The following LRMDA variants were observed in gnomAD, a reference collection of about 807,000 sequenced individuals.
LRMDA encodes leucine rich melanocyte differentiation associated.
In LRMDA, 18 loss-of-function variants were observed where a neutral mutation model predicts 29.8. The observed-to-expected ratio is 0.60, with a 90% CI of 0.42 to 0.90. The LOEUF is 0.90. Among genes scored for constraint, LRMDA ranks in the 40% least tolerant of loss-of-function variants. The pLI is 0.00. For synonymous variants in LRMDA, 125 were observed against 109.4 expected (o/e 1.14, Z -0.89); for missense variants, 273 against 273.9 (o/e 1.00, Z 0.02).
At chr10:75,587,932 C>T (rs1306021883) in intron 2 of LRMDA, among the ~76,000 whole-genome samples, 4 of 152,194 alleles carry the variant, frequency 2.6e-5, no homozygotes, top group South Asian at 2.1e-4. Flanking sequence ...AGAGGCAGTG[C>T]GTGATGGTTG....
At chr10:76,333,887 A>G (rs1239898314) in intron 6 of LRMDA, among the ~76,000 whole-genome samples, 1 of 152,326 alleles carries the variant, frequency 6.6e-6, no homozygotes, top group South Asian at 2.1e-4. Flanking sequence ...AGGACCAGAA[A>G]GCTATAAGGA....
intron 6 of LRMDA, among the ~76,000 whole-genome samples, chr10:76,531,805 C>G (rs192388516): frequency 6.6e-6 from 1 of 152,032 alleles, no homozygotes; most frequent in South Asian, 2.1e-4. Context: ...GGTTTCATGG[C>G]AAGTATTCCT....
At chr10:76,236,505 A>T (rs1852154299) in intron 5 of LRMDA, among the ~76,000 whole-genome samples, 1 of 152,206 alleles carries the variant, frequency 6.6e-6, no homozygotes, top group Non-Finnish European at 1.5e-5. Context: ...TGGTTTCTTC[A>T]TCTCCCTGTC....
intron 2 of LRMDA, among the ~76,000 whole-genome samples, chr10:75,565,076 A>G (rs1477224488): frequency 6.6e-6 from 1 of 152,192 alleles, no homozygotes; most frequent in Non-Finnish European, 1.5e-5. Flanking sequence ...TGATCCAAGG[A>G]ATGGAAATAG....
intron 5 of LRMDA, among the ~76,000 whole-genome samples, chr10:76,084,137 T>A (rs1317032653): frequency 3.9e-5 from 6 of 152,302 alleles, no homozygotes; most frequent in Middle Eastern, 3.4e-3. Flanking sequence ...TCTTCCTTAG[T>A]ATCCAAGGGA....
At chr10:75,517,873 C>A (rs552663487) in intron 2 of LRMDA, among the ~76,000 whole-genome samples, 5 of 152,262 alleles carry the variant, frequency 3.3e-5, no homozygotes, top group African/African-American at 1.2e-4. Flanking sequence ...GAGATACCTT[C>A]CATCAATACC....
intron 6 of LRMDA, among the ~76,000 whole-genome samples, chr10:76,378,322 A>C (rs1841546096): frequency 6.6e-6 from 1 of 152,204 alleles, no homozygotes; most frequent in South Asian, 2.1e-4. Context: ...AGATCATATC[A>C]TCAGAAAACA....
chr10:76,032,509 A>G (rs538779485), intron 2 of LRMDA, among the ~76,000 whole-genome samples: 5 of 152,328 alleles, frequency 3.3e-5, no homozygotes, highest in South Asian at 4.1e-4. Flanking sequence ...CTGGAGCCCA[A>G]TGCGTTGTGA....
intron 2 of LRMDA, among the ~76,000 whole-genome samples, chr10:75,482,479 A>G (rs1480256935): frequency 1.3e-5 from 2 of 152,232 alleles, no homozygotes; most frequent in Non-Finnish European, 2.9e-5. Context: ...AATAGCCACT[A>G]TAGTTGCAGT....
chr10:75,991,846 G>T (rs546774864), intron 2 of LRMDA, among the ~76,000 whole-genome samples: 2 of 152,246 alleles, frequency 1.3e-5, no homozygotes, highest in South Asian at 4.2e-4. Context: ...CACTGGTGTG[G>T]TTACTACAGA....
intron 6 of LRMDA, among the ~76,000 whole-genome samples, chr10:76,409,779 G>A (rs1447722470): frequency 6.6e-6 from 1 of 152,154 alleles, no homozygotes; most frequent in Admixed American, 6.5e-5. Context: ...ACTAAAGTGA[G>A]CATTTATTAA....
chr10:76,374,367 G>GA (rs1244084587), intron 6 of LRMDA, among the ~76,000 whole-genome samples: 8 of 152,186 alleles, frequency 5.3e-5, no homozygotes. Context: ...CCTAGAAAAA[G>GA]AAGGTTAGAT....
At chr10:75,607,031 T>C (rs1840964741) in intron 2 of LRMDA, among the ~76,000 whole-genome samples, 2 of 152,272 alleles carry the variant, frequency 1.3e-5, no homozygotes, top group Admixed American at 1.3e-4. Flanking sequence ...GCCCAAATGA[T>C]ATTTTATGGA....
chr10:76,321,532 C>CTT (rs79862487), intron 5 of LRMDA, among the ~76,000 whole-genome samples: 3 of 145,668 alleles, frequency 2.1e-5, no homozygotes, highest in African/African-American at 4.9e-5. Flanking sequence ...TAAAGACATT[C>CTT]TTTTTTTTTT....
chr10:75,643,992 A>G (rs939597201), intron 2 of LRMDA, among the ~76,000 whole-genome samples: 8 of 152,198 alleles, frequency 5.3e-5, no homozygotes, highest in Non-Finnish European at 1.2e-4. Context: ...GCATGTGAAT[A>G]TCTCATCATG....
chr10:76,399,108 G>A (rs928784702), intron 6 of LRMDA, among the ~76,000 whole-genome samples: 3 of 152,126 alleles, frequency 2.0e-5, no homozygotes, highest in African/African-American at 7.2e-5. Context: ...TTAGAGCAAG[G>A]CTCAGTTTTC....
intron 6 of LRMDA, among the ~76,000 whole-genome samples, chr10:76,479,397 T>C (rs1842713703): frequency 6.6e-6 from 1 of 151,916 alleles, no homozygotes; most frequent in Non-Finnish European, 1.5e-5. Context: ...CCCCACGCCA[T>C]GCTCAGAAGG....
At chr10:76,492,483 G>T (rs1300082147) in intron 6 of LRMDA, among the ~76,000 whole-genome samples, 1 of 152,082 alleles carries the variant, frequency 6.6e-6, no homozygotes, top group Admixed American at 6.6e-5. Flanking sequence ...AGAGCTGGAA[G>T]AATTTTCTGG....
intron 6 of LRMDA, among the ~76,000 whole-genome samples, chr10:76,482,341 A>G (rs1218572984): frequency 1.3e-5 from 2 of 151,786 alleles, no homozygotes; most frequent in African/African-American, 2.4e-5. Flanking sequence ...CTTTTACCCC[A>G]CTGTCTTCAT....
Sources: gnomAD v4.1 joint callset for allele counts (sites outside exome capture counted in the v4.1 genomes callset) on GRCh38, gnomAD v4.1.1 for gene constraint, MANE v1.5 for transcripts, NCBI Gene and HGNC (gene_info 2026-07-23, HGNC 2026-07-21) for gene names.